Variants in ETFDH observed in about 807,000 individuals in gnomAD.
The protein encoded by ETFDH is electron transfer flavoprotein dehydrogenase, also known as electron transfer flavoprotein-ubiquinone oxidoreductase, mitochondrial.
In ETFDH, 61 loss-of-function variants were observed where a neutral mutation model predicts 73.2. The observed-to-expected ratio is 0.83, with a 90% CI of 0.68 to 1.03. The LOEUF (loss-of-function observed/expected upper bound fraction) is 1.03, where lower values mean the gene tolerates loss of function less well. Among genes scored for constraint, ETFDH ranks in the 50% least tolerant of loss-of-function variants. The probability of loss-of-function intolerance (pLI) is 0.00; values close to 1 mark genes in which losing one functional copy is unlikely to be tolerated. For missense variants in ETFDH, 685 were observed against 745.0 expected (o/e 0.92, Z 0.94); for synonymous variants, 243 against 253.3 (o/e 0.96, Z 0.39).
At position 158,672,437 on chromosome 4, in the gene ETFDH, G is replaced by A. The variant is rs1204761871; in HGVS notation, c.-20G>A. 6.2e-7 allele frequency: 1 copy of A among 1,614,006 alleles called. No homozygotes were observed. Among genetic ancestry groups the A allele is most frequent in the Non-Finnish European group, 8.5e-7 (1 of 1,179,960 alleles). Reference sequence around the variant, plus strand: ...CAGTCCTCCTGTTGTGTCCGACCGAGAGTCCTGGTGACTTTGAACATGCTG... The same window carrying A: ...CAGTCCTCCTGTTGTGTCCGACCGAAAGTCCTGGTGACTTTGAACATGCTG... On this transcript the variant is annotated 5_prime_UTR_variant, in exon 1 of 13. Transcript: ENST00000511912.
intron 6 of ETFDH, among the ~76,000 whole-genome samples, chr4:158,691,820 T>G (rs1402402854): frequency 1.3e-5 from 2 of 152,210 alleles, no homozygotes; most frequent in Non-Finnish European, 2.9e-5. Context: ...AAAAATAGCT[T>G]GCTGTCCTAT....
chr4:158,684,955 A>G, intron 4 of ETFDH, 146 bp from the exon 5 acceptor site: 2 of 643,124 alleles, frequency 3.1e-6, no homozygotes, highest in Non-Finnish European at 5.5e-6. Flanking sequence ...CTCTAGACCA[A>G]AATTGTAGAA....
chr4:158,676,517 C>CAGGA (rs908996440), intron 1 of ETFDH, among the ~76,000 whole-genome samples: 5 of 152,140 alleles, frequency 3.3e-5, no homozygotes, highest in African/African-American at 4.8e-5. Flanking sequence ...GTCTGGTCCC[C>CAGGA]AGGAAGGAAG....
intron 10 of ETFDH, among the ~76,000 whole-genome samples, chr4:158,705,932 T>C (rs549744202): frequency 4.5e-4 from 68 of 152,226 alleles, no homozygotes; most frequent in African/African-American, 1.6e-3. Context: ...AACACAAAAG[T>C]TAGTAGGGTG....
At chr4:158,705,950 G>A (rs180835908) in intron 10 of ETFDH, among the ~76,000 whole-genome samples, 15 of 152,272 alleles carry the variant, frequency 9.9e-5, no homozygotes, top group Admixed American at 7.8e-4. Context: ...GTGTGGTGGC[G>A]TGTGCCTCTG....
At chr4:158,677,937 A>G (rs1423542066) in intron 1 of ETFDH, among the ~76,000 whole-genome samples, 1 of 152,216 alleles carries the variant, frequency 6.6e-6, no homozygotes, top group Non-Finnish European at 1.5e-5. Context: ...TCATGTCTTC[A>G]AAGAGTTTTA....
chr4:158,694,964 G>A (rs77181854), intron 6 of ETFDH, among the ~76,000 whole-genome samples: 1,658 of 152,212 alleles, frequency 0.011, 20 homozygotes, highest in African/African-American at 0.035. Flanking sequence ...TAGCCCTGCA[G>A]AACTCACATA....
intron 3 of ETFDH, among the ~76,000 whole-genome samples, chr4:158,683,229 T>C (rs1773909739): frequency 6.6e-6 from 1 of 152,228 alleles, no homozygotes; most frequent in African/African-American, 2.4e-5. Context: ...AAATAAAATT[T>C]GTATGAATTT....
intron 12 of ETFDH, among the ~76,000 whole-genome samples, chr4:158,707,315 A>G (rs984547522): frequency 2.0e-5 from 3 of 152,250 alleles, no homozygotes; most frequent in African/African-American, 7.2e-5. Flanking sequence ...ATGATATGGT[A>G]GAACAAAATA....
At position 158,697,558 on chromosome 4, in the gene ETFDH, G is replaced by C; in HGVS notation, c.832-1G>C. ...TTTTTGTTTGCTTTTTTTTTTTTTA[G>C]TTATGGGTTATTGATGAAAAGAACT... On this transcript the variant is annotated splice_acceptor_variant, in intron 7 of 12. Transcript: ENST00000511912. LOFTEE classifies it high-confidence loss of function. 6.3e-7 allele frequency: 1 copy of C among 1,589,902 alleles called. No homozygotes were observed. Among genetic ancestry groups the C allele is most frequent in the Non-Finnish European group, 8.6e-7 (1 of 1,168,540 alleles).
At chr4:158,703,667 G>A (rs2126309680) in intron 10 of ETFDH, 76 bp downstream of exon 10, 1 of 879,124 alleles carries the variant, frequency 1.1e-6, no homozygotes, top group Non-Finnish European at 1.9e-6. Flanking sequence ...TAAAAGATTT[G>A]TATTGCATCT....
intron 6 of ETFDH, among the ~76,000 whole-genome samples, chr4:158,691,185 A>G (rs1254522842): frequency 6.6e-6 from 1 of 152,242 alleles, no homozygotes; most frequent in Non-Finnish European, 1.5e-5. Flanking sequence ...ATAGGCCATC[A>G]ATCCACTGCA....
At position 158,672,384 on chromosome 4, in the gene ETFDH, A is replaced by G; in HGVS notation, c.-73A>G. The G allele has an allele frequency of 6.5e-7, 1 of 1,535,850 alleles. No homozygotes were observed. Among genetic ancestry groups the G allele is most frequent in the Non-Finnish European group, 9.0e-7 (1 of 1,109,250 alleles). ...GGTGATGGCGCCCCCCGCGGCCTAG[A>G]GGTCCAGCGCCCGCCGCGAGCAGCG... On this transcript the variant is annotated 5_prime_UTR_variant, in exon 1 of 13. Coordinates refer to ENST00000511912, the MANE Select transcript of ETFDH (RefSeq NM_004453.4).
intron 8 of ETFDH, among the ~76,000 whole-genome samples, chr4:158,698,435 T>C (rs1268460967): frequency 6.6e-6 from 1 of 152,234 alleles, no homozygotes; most frequent in East Asian, 1.9e-4. Flanking sequence ...AACACTTTGG[T>C]AATGCATTAT....
At chr4:158,699,617 T>C (rs191003355) in intron 9 of ETFDH, among the ~76,000 whole-genome samples, 3 of 152,334 alleles carry the variant, frequency 2.0e-5, no homozygotes, top group Admixed American at 1.3e-4. Flanking sequence ...GATAAATTCA[T>C]GGACATTTTG....
In ETFDH at chr4:158,708,541, A is replaced by G. The variant is rs1774706645; in HGVS notation, c.*14A>G. On this transcript the variant is annotated 3_prime_UTR_variant, in exon 13 of 13. Coordinates refer to ENST00000511912, the MANE Select transcript of ETFDH (RefSeq NM_004453.4). ...AATGGAATGTAAACTGCAGCTAGCCAGTTTCTTTCAAGTATGGCAAGCTAA... is the reference window on the plus strand; with the variant it reads ...AATGGAATGTAAACTGCAGCTAGCCGGTTTCTTTCAAGTATGGCAAGCTAA... 6.2e-7 allele frequency: 1 copy of G among 1,609,828 alleles called. No homozygotes were observed. Among genetic ancestry groups the G allele is most frequent in the Non-Finnish European group, 8.5e-7 (1 of 1,176,090 alleles).
At chr4:158,708,304 T>C (rs2126320477) in intron 12 of ETFDH, 60 bp from the exon 13 acceptor site, 2 of 1,339,894 alleles carry the variant, frequency 1.5e-6, no homozygotes, top group East Asian at 4.7e-5. Context: ...AATTTTTACT[T>C]TTGAATTTAA....
At chr4:158,695,298 T>C (rs922870504) in intron 6 of ETFDH, among the ~76,000 whole-genome samples, 199 bp from the exon 7 acceptor site, 28 of 152,156 alleles carry the variant, frequency 1.8e-4, no homozygotes, top group African/African-American at 6.5e-4. Context: ...CTTGAAAAGA[T>C]TTCCATGAGG....
intron 2 of ETFDH, among the ~76,000 whole-genome samples, chr4:158,681,190 T>G (rs560876537): frequency 5.3e-5 from 8 of 152,278 alleles, no homozygotes; most frequent in African/African-American, 1.9e-4. Context: ...GGAGAAAATG[T>G]GGAGGTGAAA....
Sources: allele counts gnomAD v4.1 joint callset (sites outside exome capture counted in the v4.1 genomes callset), GRCh38; gene constraint gnomAD v4.1.1; transcripts MANE v1.5; gene names NCBI Gene and HGNC (gene_info 2026-07-23, HGNC 2026-07-21).